Variants in KCTD8 observed in about 807,000 individuals in gnomAD.
The protein encoded by KCTD8 is potassium channel tetramerization domain containing 8, also known as BTB/POZ domain-containing protein KCTD8.
KCTD8 carries 27 observed loss-of-function variants against 31.5 expected under a neutral mutation model. The observed-to-expected ratio is 0.86, with a 90% CI of 0.63 to 1.18. The LOEUF is 1.18. KCTD8 is among the 50% of genes most tolerant of loss of function. The pLI, the probability that KCTD8 is intolerant of heterozygous loss-of-function variation, is 0.00. For missense variants in KCTD8, 658 were observed against 647.7 expected, an observed-to-expected ratio of 1.02 and a Z score of -0.17; for synonymous variants, 290 against 280.0, an observed-to-expected ratio of 1.04 and a Z score of -0.36.
intron 1 of KCTD8, among the ~76,000 whole-genome samples, chr4:44,348,167 G>A (rs375367006): frequency 2.0e-5 from 3 of 152,056 alleles, no homozygotes; most frequent in East Asian, 3.9e-4. Context: ...AACTTTGCAC[G>A]GTAAAGACAT....
intron 1 of KCTD8, chr4:44,293,896 A>G: frequency 2.4e-6 from 1 of 419,650 alleles, no homozygotes; most frequent in Non-Finnish European, 4.7e-6. Context: ...TTGCATAGAG[A>G]ATGAGATAAT....
At chr4:44,415,814 T>C (rs4519830) in intron 1 of KCTD8, among the ~76,000 whole-genome samples, 128,461 of 152,226 alleles carry the variant, frequency 0.84, 54,397 homozygotes, top group South Asian at 0.9. Flanking sequence ...CAGAAGCCTG[T>C]TACAGGGGTG....
chr4:44,277,423 AC>A (rs2109376360), intron 1 of KCTD8, among the ~76,000 whole-genome samples: 2 of 152,020 alleles, frequency 1.3e-5, no homozygotes, highest in Non-Finnish European at 2.9e-5. Flanking sequence ...AAGAAACAGT[AC>A]ACTAACAGTA....
At chr4:44,340,133 G>A (rs1718857101) in intron 1 of KCTD8, among the ~76,000 whole-genome samples, 1 of 152,128 alleles carries the variant, frequency 6.6e-6, no homozygotes, top group Admixed American at 6.6e-5. Flanking sequence ...AGCCACTTTG[G>A]AAATCTATTT....
intron 1 of KCTD8, among the ~76,000 whole-genome samples, chr4:44,391,913 A>G (rs1280941674): frequency 6.6e-6 from 1 of 151,978 alleles, no homozygotes; most frequent in Non-Finnish European, 1.5e-5. Context: ...CATTCAGCAA[A>G]TCAGTCTTCT....
chr4:44,215,965 A>G (rs1173140371), intron 1 of KCTD8, among the ~76,000 whole-genome samples: 1 of 152,212 alleles, frequency 6.6e-6, no homozygotes, highest in Non-Finnish European at 1.5e-5. Context: ...GAAGGAGGCA[A>G]CTGCTAATAT....
intron 1 of KCTD8, among the ~76,000 whole-genome samples, chr4:44,271,481 G>A (rs1054704704): frequency 1.3e-5 from 2 of 152,058 alleles, no homozygotes; most frequent in Non-Finnish European, 2.9e-5. Flanking sequence ...GCTGGGGATA[G>A]GCCCCCAAAT....
Position 44,361,726 on chromosome 4 carries a change from A to T in KCTD8, c.961+85837T>A, listed in dbSNP as rs538102257. Among the ~76,000 whole-genome samples the T allele has an allele frequency of 2.6e-5, 4 of 152,228 alleles. No homozygotes were observed. The East Asian group carries it at 5.8e-4, about 22-fold the overall frequency. ...TGAGAAAAAGATTGATCTCTATGAG[A>T]GGTAATCTTGAAATAATAGGATAAT... On this transcript the variant is annotated intron_variant, in intron 1 of 1. Coordinates refer to ENST00000360029, the MANE Select transcript of KCTD8 (RefSeq NM_198353.3).
intron 1 of KCTD8, among the ~76,000 whole-genome samples, chr4:44,364,349 T>C (rs1056133898): frequency 1.3e-5 from 2 of 152,058 alleles, no homozygotes; most frequent in African/African-American, 4.8e-5. Flanking sequence ...CAATATGATA[T>C]GTCATTAGGG....
chr4:44,234,958 C>A (rs1181572598), intron 1 of KCTD8, among the ~76,000 whole-genome samples: 1 of 151,970 alleles, frequency 6.6e-6, no homozygotes, highest in East Asian at 1.9e-4. Flanking sequence ...ATTCTGGAAC[C>A]ACAGCATAAA....
chr4:44,416,575 T>C (rs35540967), intron 1 of KCTD8, among the ~76,000 whole-genome samples: 10,423 of 152,214 alleles, frequency 0.068, 441 homozygotes, highest in Admixed American at 0.11. Context: ...ATATCCTTCC[T>C]TGGTGATGAG....
chr4:44,376,991 C>T (rs1350615334), intron 1 of KCTD8, among the ~76,000 whole-genome samples: 2 of 152,182 alleles, frequency 1.3e-5, no homozygotes, highest in African/African-American at 4.8e-5. Flanking sequence ...TTGTCTCCAA[C>T]ATTTGCAGGA....
chr4:44,346,515 C>A (rs1440777288), intron 1 of KCTD8, among the ~76,000 whole-genome samples: 1 of 152,046 alleles, frequency 6.6e-6, no homozygotes, highest in Non-Finnish European at 1.5e-5. Context: ...TACAACTATA[C>A]CACATGGTTA....
At chr4:44,206,366 G>A (rs1414670352) in intron 1 of KCTD8, among the ~76,000 whole-genome samples, 3 of 152,122 alleles carry the variant, frequency 2.0e-5, no homozygotes. Context: ...ACAGGAAAGG[G>A]CTTGATATCT....
chr4:44,229,929 C>T (rs984314866), intron 1 of KCTD8, among the ~76,000 whole-genome samples: 1 of 152,068 alleles, frequency 6.6e-6, no homozygotes, highest in Non-Finnish European at 1.5e-5. Context: ...CTGCACCCAT[C>T]AACACGTCAT....
chr4:44,189,004 C>A (rs768086376), intron 1 of KCTD8, among the ~76,000 whole-genome samples: 1 of 152,104 alleles, frequency 6.6e-6, no homozygotes, highest in Non-Finnish European at 1.5e-5. Flanking sequence ...TAGTGTAATT[C>A]CTGGCCCTTG....
chr4:44,347,817 C>G (rs1387659804), intron 1 of KCTD8, among the ~76,000 whole-genome samples: 1 of 152,190 alleles, frequency 6.6e-6, no homozygotes, highest in African/African-American at 2.4e-5. Flanking sequence ...CGGAATCATG[C>G]TAATGGCAAT....
At chr4:44,252,307 GTGCTGCTAT>G (rs1427869900) in intron 1 of KCTD8, among the ~76,000 whole-genome samples, 1 of 151,692 alleles carries the variant, frequency 6.6e-6, no homozygotes, top group African/African-American at 2.4e-5. Context: ...ATCACAAATT[GTGCTGCTAT>G]AAACGTGTGT....
At chr4:44,392,035 T>A in intron 1 of KCTD8, among the ~76,000 whole-genome samples, 1 of 152,000 alleles carries the variant, frequency 6.6e-6, no homozygotes, top group South Asian at 2.1e-4. Flanking sequence ...TTACCAACTG[T>A]CAGAATTTCA....
Sources: gnomAD v4.1 joint callset for allele counts (sites outside exome capture counted in the v4.1 genomes callset) on GRCh38, gnomAD v4.1.1 for gene constraint, MANE v1.5 for transcripts, NCBI Gene and HGNC (gene_info 2026-07-23, HGNC 2026-07-21) for gene names.